Variants in TPST1 observed in about 807,000 individuals in gnomAD.
TPST1 encodes tyrosylprotein sulfotransferase 1, also known as protein-tyrosine sulfotransferase 1.
TPST1 carries 20 observed loss-of-function variants against 34.8 expected under a neutral mutation model. That is an observed-to-expected ratio of 0.57 (90% confidence interval 0.40 to 0.84). The LOEUF is 0.84. TPST1 is among the 40% of genes least tolerant of loss of function. TPST1 has a pLI of 0.00. For missense variants in TPST1, 353 were observed against 455.5 expected (o/e 0.78, Z 2.05); for synonymous variants, 152 against 159.4 (o/e 0.95, Z 0.35).
chr7:66,313,192 G>A (rs1791566028), intron 3 of TPST1, among the ~76,000 whole-genome samples: 1 of 152,138 alleles, frequency 6.6e-6, no homozygotes, highest in African/African-American at 2.4e-5. Context: ...AAGGTGGGCA[G>A]ATCACAAGGT....
At chr7:66,335,370 G>A (rs926017448) in intron 3 of TPST1, among the ~76,000 whole-genome samples, 5 of 151,834 alleles carry the variant, frequency 3.3e-5, no homozygotes, top group Admixed American at 2.6e-4. Flanking sequence ...GCAAAGAGTC[G>A]CTTGAGCCTG....
chr7:66,318,605 T>C (rs1791684985), intron 3 of TPST1, among the ~76,000 whole-genome samples: 2 of 152,112 alleles, frequency 1.3e-5, no homozygotes, highest in Admixed American at 1.3e-4. Context: ...TAGCTCCTAC[T>C]ACAGGTGCCC....
At chr7:66,206,621 C>T (rs1019732536) in intron 1 of TPST1, among the ~76,000 whole-genome samples, 3 of 152,210 alleles carry the variant, frequency 2.0e-5, no homozygotes, top group African/African-American at 7.2e-5. Context: ...GGCTGCTAGT[C>T]AGCAGGCTTT....
intron 3 of TPST1, among the ~76,000 whole-genome samples, chr7:66,330,662 C>G (rs758813475): frequency 1.3e-5 from 2 of 152,188 alleles, no homozygotes; most frequent in Non-Finnish European, 2.9e-5. Flanking sequence ...TTAAAACTCA[C>G]AGTCCACCTC....
At chr7:66,315,828 G>A (rs933779437) in intron 3 of TPST1, among the ~76,000 whole-genome samples, 7 of 151,934 alleles carry the variant, frequency 4.6e-5, no homozygotes, top group African/African-American at 7.3e-5. Flanking sequence ...AAAAAAATTC[G>A]GGCCAGGTGC....
intron 2 of TPST1, among the ~76,000 whole-genome samples, chr7:66,269,614 A>C (rs200804259): frequency 6.7e-4 from 99 of 146,924 alleles, no homozygotes; most frequent in African/African-American, 2.5e-3. Flanking sequence ...TAAAGACTGC[A>C]CTCAACATGT....
At chr7:66,207,189 C>T (rs557340654) in intron 1 of TPST1, among the ~76,000 whole-genome samples, 1 of 152,280 alleles carries the variant, frequency 6.6e-6, no homozygotes, top group African/African-American at 2.4e-5. Context: ...TCCTGGAGAT[C>T]CTTTGACTTA....
upstream of TPST1, among the ~76,000 whole-genome samples, chr7:66,200,796 C>T (rs1039927361): frequency 1.3e-5 from 2 of 151,860 alleles, no homozygotes; most frequent in East Asian, 1.9e-4. Flanking sequence ...GCACAGTCTC[C>T]GCTCACCGCA....
intron 3 of TPST1, among the ~76,000 whole-genome samples, chr7:66,351,233 C>G (rs566742242): frequency 2.6e-5 from 4 of 152,308 alleles, no homozygotes; most frequent in South Asian, 4.2e-4. Flanking sequence ...ACCTCCTCAT[C>G]ATTATGTTGA....
At chr7:66,226,849 C>T (rs777378987) in intron 1 of TPST1, among the ~76,000 whole-genome samples, 25 of 152,126 alleles carry the variant, frequency 1.6e-4, no homozygotes, top group Non-Finnish European at 2.9e-4. Flanking sequence ...TATGAAATCT[C>T]TGAAGGTGAG....
At chr7:66,257,504 G>T (rs1431305590) in intron 2 of TPST1, among the ~76,000 whole-genome samples, 1 of 152,208 alleles carries the variant, frequency 6.6e-6, no homozygotes, top group Non-Finnish European at 1.5e-5. Flanking sequence ...TGTGTTAGCA[G>T]CTGTGTAGTT....
intron 3 of TPST1, among the ~76,000 whole-genome samples, chr7:66,331,785 CT>C (rs1335087609): frequency 6.6e-6 from 1 of 151,982 alleles, no homozygotes; most frequent in African/African-American, 2.4e-5. Flanking sequence ...TGCCCATTGC[CT>C]TCCTGTTTAC....
upstream of TPST1, among the ~76,000 whole-genome samples, chr7:66,203,247 T>A (rs1377977281): frequency 6.6e-6 from 1 of 151,898 alleles, no homozygotes. Context: ...ATTATTTTTT[T>A]TTTTGGGTGA....
chr7:66,267,959 C>T (rs538064359), intron 2 of TPST1, among the ~76,000 whole-genome samples: 1 of 151,580 alleles, frequency 6.6e-6, no homozygotes, highest in East Asian at 1.9e-4. Flanking sequence ...TCCTTCCTTT[C>T]GTCCTTTTTT....
chr7:66,252,622 C>T (rs1285087324), intron 2 of TPST1, among the ~76,000 whole-genome samples: 4 of 152,156 alleles, frequency 2.6e-5, no homozygotes, highest in African/African-American at 9.7e-5. Context: ...CGTGAGCCAC[C>T]GTGCCCGGCC....
At chr7:66,281,258 G>A (rs575770831) in intron 2 of TPST1, among the ~76,000 whole-genome samples, 1 of 152,248 alleles carries the variant, frequency 6.6e-6, no homozygotes, top group African/African-American at 2.4e-5. Flanking sequence ...TTTTGCATCT[G>A]TGTTCATCAG....
chr7:66,346,327 C>T (rs1792351996), intron 3 of TPST1, among the ~76,000 whole-genome samples: 1 of 152,106 alleles, frequency 6.6e-6, no homozygotes, highest in Non-Finnish European at 1.5e-5. Context: ...GATTTCCCTT[C>T]TTTTGGGTAT....
intron 1 of TPST1, among the ~76,000 whole-genome samples, chr7:66,237,022 C>T (rs1456632459): frequency 6.6e-6 from 1 of 152,170 alleles, no homozygotes; most frequent in Admixed American, 6.5e-5. Flanking sequence ...TTACTTTCCA[C>T]CCAGTCCTTT....
intron 3 of TPST1, among the ~76,000 whole-genome samples, chr7:66,314,662 G>A (rs1203945797): frequency 6.6e-6 from 1 of 152,210 alleles, no homozygotes; most frequent in East Asian, 1.9e-4. Flanking sequence ...ACCATAGGGT[G>A]TACTTACATA....
Sources: gnomAD v4.1 joint callset for allele counts (sites outside exome capture counted in the v4.1 genomes callset) on GRCh38, gnomAD v4.1.1 for gene constraint, MANE v1.5 for transcripts, NCBI Gene and HGNC (gene_info 2026-07-23, HGNC 2026-07-21) for gene names.